Variants in ITPKB observed in about 807,000 individuals in gnomAD.
The protein encoded by ITPKB is IP3 3-kinase B.
ITPKB carries 13 observed loss-of-function variants against 69.4 expected under a neutral mutation model. The ratio of observed to expected loss-of-function variants is 0.19; its 90% confidence interval spans 0.12 to 0.30. ITPKB has a LOEUF of 0.30. ITPKB is among the 10% of genes least tolerant of loss of function. ITPKB has a pLI of 1.00. For missense variants in ITPKB, 1,240 were observed against 1,250.5 expected, an observed-to-expected ratio of 0.99 and a Z score of 0.13; for synonymous variants, 584 against 513.7, an observed-to-expected ratio of 1.14 and a Z score of -1.85.
rs1669233051 is a variant in ITPKB, at chr1:226,653,426, T to A, written c.1933-4655A>T. ...CTGGACAGCCAGGGTGCCAGCCCAG[T>A]GAAGTTTTCTGGCTGCTCCGTTAGC... On this transcript the variant is annotated intron_variant, in intron 2 of 7. Coordinates refer to ENST00000429204, the MANE Select transcript of ITPKB (RefSeq NM_002221.4). Among the ~76,000 whole-genome samples, 3 of 152,296 alleles carry A rather than the reference T, an allele frequency of 2.0e-5. No homozygotes were observed. In the South Asian group the frequency reaches 6.2e-4, roughly 32 times the overall value.
chr1:226,663,124 T>C (rs1390085457), intron 2 of ITPKB, among the ~76,000 whole-genome samples: 2 of 152,198 alleles, frequency 1.3e-5, no homozygotes, highest in African/African-American at 2.4e-5. Context: ...CCCCGGGTCA[T>C]CTTGACGGTA....
At chr1:226,709,286 C>T (rs1656884352) in intron 2 of ITPKB, among the ~76,000 whole-genome samples, 4 of 152,198 alleles carry the variant, frequency 2.6e-5, no homozygotes, top group South Asian at 2.1e-4. Context: ...CCCTCCCTGG[C>T]GAGGCACCAG....
At chr1:226,653,640 T>C (rs553226889) in intron 2 of ITPKB, among the ~76,000 whole-genome samples, 11 of 152,352 alleles carry the variant, frequency 7.2e-5, no homozygotes, top group African/African-American at 2.6e-4. Flanking sequence ...ACTTGTGATG[T>C]TCTTGAGGAC....
At chr1:226,711,979 A>G (rs774219192) in intron 2 of ITPKB, among the ~76,000 whole-genome samples, 55 of 152,180 alleles carry the variant, frequency 3.6e-4, no homozygotes, top group Non-Finnish European at 5.1e-4. Flanking sequence ...CCTGCGGGGA[A>G]GGTTTTCTCT....
intron 2 of ITPKB, among the ~76,000 whole-genome samples, chr1:226,726,019 A>T (rs1657400893): frequency 6.6e-6 from 1 of 152,180 alleles, no homozygotes; most frequent in African/African-American, 2.4e-5. Context: ...AAAAAAGCAA[A>T]GTCATCGTAC....
chr1:226,633,533 C>G lies in ITPKB; in HGVS notation c.*1138G>C, dbSNP rs922458172. The G allele has an allele frequency of 6.6e-6, 1 of 152,176 alleles. No individual in the cohort carries two copies. The highest frequency in any genetic ancestry group is 2.4e-5 in the African/African-American group (1 of 41,442). 9.4% of individuals were successfully genotyped at this position (152,176 alleles called of 1,614,324 possible). A position where few individuals can be genotyped will look rare whatever the true frequency, so the allele number is the denominator to read the frequency against. On this transcript the variant is annotated 3_prime_UTR_variant, in exon 8 of 8. Coordinates refer to ENST00000429204, the MANE Select transcript of ITPKB (RefSeq NM_002221.4). ...TCAGGAAGAGGTGCCTGGAGCACGC[C>G]CTGGCATCCACCACATACCCTACAA...
chr1:226,647,283 G>A lies in ITPKB; in HGVS notation c.2130C>T (p.Pro710=). ...CATCCCCATGGTAGGCAGGTACGAA[G>A]GGCCTCAGCACATCCACCATCAGCC... ...LDRLMVDVLR[P]FVPAYHGDVV... Residue 710 remains proline, a synonymous_variant, in exon 4 of 8, where the codon CCC becomes CCT. Transcript: ENST00000429204. The A allele has an allele frequency of 1.2e-6, 2 of 1,614,194 alleles. No individual in the cohort carries two copies. The highest frequency in any genetic ancestry group is 1.7e-6 in the Non-Finnish European group (2 of 1,180,016).
intron 2 of ITPKB, among the ~76,000 whole-genome samples, chr1:226,703,344 G>C (rs1246912848): frequency 6.6e-6 from 1 of 152,244 alleles, no homozygotes; most frequent in Non-Finnish European, 1.5e-5. Context: ...GACGGCGCCG[G>C]AGTCCCTCCG....
intron 2 of ITPKB, among the ~76,000 whole-genome samples, chr1:226,733,166 G>A (rs1657643403): frequency 6.6e-6 from 1 of 152,152 alleles, no homozygotes; most frequent in African/African-American, 2.4e-5. Context: ...ATGTGTGAGG[G>A]CATGTGTGAG....
chr1:226,636,910 T>C (rs1416607677), intron 7 of ITPKB, among the ~76,000 whole-genome samples: 18 of 152,094 alleles, frequency 1.2e-4, no homozygotes, highest in Admixed American at 1.2e-3. Context: ...ATGTGCTGTA[T>C]GAATGTGTGT....
chr1:226,704,901 C>T (rs903360039), intron 2 of ITPKB, among the ~76,000 whole-genome samples: 1 of 152,200 alleles, frequency 6.6e-6, no homozygotes, highest in Non-Finnish European at 1.5e-5. Flanking sequence ...ATAAAATTTA[C>T]AACTTGAAAG....
At chr1:226,725,722 T>C (rs774971501) in intron 2 of ITPKB, among the ~76,000 whole-genome samples, 2 of 152,162 alleles carry the variant, frequency 1.3e-5, no homozygotes, top group Admixed American at 1.3e-4. Context: ...GCATGCCCAC[T>C]GACGAATGGG....
At chr1:226,656,687 T>C (rs1669297099) in intron 2 of ITPKB, 1 of 152,248 alleles carries the variant, frequency 6.6e-6, no homozygotes, top group African/African-American at 2.4e-5. Flanking sequence ...AGTTGGATGT[T>C]GTTCTAGAAG....
At chr1:226,728,172 T>C (rs965397953) in intron 2 of ITPKB, among the ~76,000 whole-genome samples, 5 of 152,216 alleles carry the variant, frequency 3.3e-5, no homozygotes, top group African/African-American at 4.8e-5. Flanking sequence ...CTATAGCTCC[T>C]ACTTTTTGCT....
intron 2 of ITPKB, among the ~76,000 whole-genome samples, chr1:226,726,547 G>T (rs1017127673): frequency 1.2e-4 from 19 of 152,056 alleles, no homozygotes; most frequent in African/African-American, 4.4e-4. Flanking sequence ...ATGATGGTAC[G>T]AGCCTGTAGT....
At chr1:226,692,436 C>T (rs755165476) in intron 2 of ITPKB, among the ~76,000 whole-genome samples, 5 of 152,144 alleles carry the variant, frequency 3.3e-5, no homozygotes, top group African/African-American at 4.8e-5. Flanking sequence ...AGTTCAAAAG[C>T]CCCTTTAAAT....
In ITPKB at chr1:226,736,798, C is replaced by T. The variant is rs752262931; in HGVS notation, c.661G>A (p.Gly221Arg). 6.2e-7 allele frequency: 1 copy of T among 1,613,072 alleles called. No homozygotes were observed. The highest frequency in any genetic ancestry group is 8.5e-7 in the Non-Finnish European group (1 of 1,180,022). ...ETSGTDSGRK[G>R]GPSLCSSQVK... ...TGCGAGGAGCATAGGCTGGGCCCTCCTTTCCTCCCGGAGTCGGTTCCTGAA... is the reference window on the plus strand; with the variant it reads ...TGCGAGGAGCATAGGCTGGGCCCTCTTTTCCTCCCGGAGTCGGTTCCTGAA... The change falls in exon 2 of 8, where the codon GGA becomes AGA. Residue 221 changes from glycine to arginine, a missense_variant. Transcript: ENST00000429204.
intron 2 of ITPKB, among the ~76,000 whole-genome samples, chr1:226,667,011 G>A (rs1199081804): frequency 1.3e-5 from 2 of 152,052 alleles, no homozygotes; most frequent in Admixed American, 6.6e-5. Flanking sequence ...GGCCCCTCTG[G>A]CTGGAAGACC....
chr1:226,661,082 CAG>C (rs1303208916), intron 2 of ITPKB, among the ~76,000 whole-genome samples: 7 of 152,278 alleles, frequency 4.6e-5, no homozygotes, highest in African/African-American at 1.7e-4. Flanking sequence ...CGAGCACCCG[CAG>C]AGTCCATCTT....
Sources: gnomAD v4.1 joint callset for allele counts (sites outside exome capture counted in the v4.1 genomes callset) on GRCh38, gnomAD v4.1.1 for gene constraint, MANE v1.5 for transcripts, NCBI Gene and HGNC (gene_info 2026-07-23, HGNC 2026-07-21) for gene names.